The following MYO16 variants were observed in gnomAD, a reference collection of about 807,000 sequenced individuals.
MYO16 encodes myosin XVI.
In MYO16, 94 loss-of-function variants were observed where a neutral mutation model predicts 205.3. That is an observed-to-expected ratio of 0.46 (90% CI 0.39 to 0.54). The LOEUF (loss-of-function observed/expected upper bound fraction) is 0.54. Ranked by LOEUF, MYO16 falls within the 20% of genes least tolerant of loss-of-function variation. The probability of loss-of-function intolerance (pLI) is 0.00; values close to 1 mark genes in which losing one functional copy is unlikely to be tolerated. For missense variants in MYO16, 2,315 were observed against 2,387.5 expected (o/e 0.97, Z 0.63); for synonymous variants, 988 against 954.0 (o/e 1.04, Z -0.66).
In MYO16 at chr13:108,820,365, A is replaced by G; in HGVS notation, c.896A>G (p.His299Arg). 1 of 1,606,050 alleles carries G rather than the reference A, an allele frequency of 6.2e-7. No individual in the cohort carries two copies. The highest frequency in any genetic ancestry group is 8.5e-7 in the Non-Finnish European group (1 of 1,175,960). ...QTNLVKLLLMHQANPHLVNCN... is the reference protein window; with the variant it reads ...QTNLVKLLLMRQANPHLVNCN... ...AATCTGGTGAAACTTCTCCTGATGC[A>G]TCAGGCAAACCCACACCTCGTGAAC... The change falls in exon 8 of 35, where the codon CAT (histidine) becomes CGT (arginine). Residue 299 changes from histidine to arginine, a missense_variant. Around this residue, in one of 3 missense-constraint regions of MYO16, gnomAD observed 1,213 missense variants for 1,274.4 expected, o/e 0.95. Coordinates refer to ENST00000457511, the MANE Select transcript of MYO16 (RefSeq NM_001198950.3).
At chr13:108,903,465 AT>A (rs1185693036) in intron 15 of MYO16, among the ~76,000 whole-genome samples, 6 of 152,182 alleles carry the variant, frequency 3.9e-5, no homozygotes, top group African/African-American at 1.4e-4. Context: ...TATTGATGCT[AT>A]TCCCAAAGAA....
chr13:108,795,047 G>C (rs549202674), intron 6 of MYO16, among the ~76,000 whole-genome samples: 2 of 152,108 alleles, frequency 1.3e-5, no homozygotes, highest in African/African-American at 4.8e-5. Flanking sequence ...TTCTAAAAAT[G>C]TGTTGTTTTC....
At chr13:108,945,538 G>A (rs185522027) in intron 16 of MYO16, among the ~76,000 whole-genome samples, 7 of 152,164 alleles carry the variant, frequency 4.6e-5, no homozygotes, top group Admixed American at 1.3e-4. Context: ...TGTCAAAATG[G>A]AACCCACATT....
Position 108,957,704 on chromosome 13 carries a change from A to T in MYO16, c.1942A>T (p.Ile648Leu), listed in dbSNP as rs776551961. The T allele has an allele frequency of 4.3e-6, 7 of 1,612,838 alleles. No individual in the cohort carries two copies. Among genetic ancestry groups the T allele is most frequent in the Non-Finnish European group, 5.9e-6 (7 of 1,178,950 alleles). The change falls in exon 17 of 35, where the codon ATA (isoleucine) becomes TTA (leucine). Residue 648 changes from isoleucine (I) to leucine (L), a missense_variant. Transcript: ENST00000457511. ...TCCTAACAGGTATTTGAACCAGACCATACAGGATGATGCATCCACAGGGGA... is the reference window on the plus strand; with the variant it reads ...TCCTAACAGGTATTTGAACCAGACCTTACAGGATGATGCATCCACAGGGGA... ...LCAHRYLNQT[I>L]QDDASTGERS...
At chr13:108,913,742 G>A (rs1881367086) in intron 16 of MYO16, among the ~76,000 whole-genome samples, 1 of 152,140 alleles carries the variant, frequency 6.6e-6, no homozygotes, top group Admixed American at 6.5e-5. Context: ...GAGTCCTTGT[G>A]GACGAACTAT....
At chr13:109,089,425 AG>A (rs543963204) in intron 27 of MYO16, among the ~76,000 whole-genome samples, 9 of 151,860 alleles carry the variant, frequency 5.9e-5, no homozygotes, top group Non-Finnish European at 1.3e-4. Flanking sequence ...TTTTGGGCCA[AG>A]CTGGTCTCGA....
intron 8 of MYO16, among the ~76,000 whole-genome samples, chr13:108,821,269 C>T (rs141541051): frequency 2.6e-3 from 389 of 152,112 alleles, no homozygotes; most frequent in African/African-American, 8.5e-3. Flanking sequence ...CAGTTAAAGC[C>T]AGAAGAAGGG....
At chr13:108,950,741 A>G (rs1477546104) in intron 16 of MYO16, among the ~76,000 whole-genome samples, 3 of 152,142 alleles carry the variant, frequency 2.0e-5, no homozygotes, top group Non-Finnish European at 4.4e-5. Context: ...AAACACCTCT[A>G]TGTAAATGTT....
intron 4 of MYO16, among the ~76,000 whole-genome samples, chr13:108,763,810 T>C (rs1400910294): frequency 6.6e-6 from 1 of 151,574 alleles, no homozygotes; most frequent in Non-Finnish European, 1.5e-5. Flanking sequence ...TGTGTGTGTG[T>C]GTGTGTGTGT....
Position 108,898,102 on chromosome 13 carries a change from G to C in MYO16, c.1746G>C (p.Gln582His), listed in dbSNP as rs1302329932. 1 of 1,613,520 alleles carries C rather than the reference G, an allele frequency of 6.2e-7. No homozygotes were observed. The highest frequency in any genetic ancestry group is 1.7e-5 in the Admixed American group (1 of 60,004). Residue 582 changes from glutamine to histidine, a missense_variant, in exon 15 of 35, where the codon CAG becomes CAC. Gln to His is a conservative substitution (Grantham distance 24). Around this residue, in one of 3 missense-constraint regions of MYO16, gnomAD observed 1,213 missense variants for 1,274.4 expected, o/e 0.95. Coordinates refer to ENST00000457511, the MANE Select transcript of MYO16 (RefSeq NM_001198950.3). ...GCTTCATCAAGTATTTTGAACTGCA[G>C]TTCTGTGAGAGGAAACAACAGCTAA... ...SSCFIKYFEL[Q>H]FCERKQQLTG...
At chr13:108,597,159 G>A (rs924101017) in intron 1 of MYO16, among the ~76,000 whole-genome samples, 3 of 151,962 alleles carry the variant, frequency 2.0e-5, no homozygotes, top group African/African-American at 4.8e-5. Flanking sequence ...CTTCATATGC[G>A]TTATTTCACT....
intron 1 of MYO16, among the ~76,000 whole-genome samples, chr13:108,661,457 C>A (rs947977195): frequency 6.6e-6 from 1 of 151,994 alleles, no homozygotes; most frequent in African/African-American, 2.4e-5. Flanking sequence ...TCCCAGACTT[C>A]TTGGAGGCTT....
intron 14 of MYO16, among the ~76,000 whole-genome samples, chr13:108,896,834 T>C (rs1880437734): frequency 6.6e-6 from 1 of 151,994 alleles, no homozygotes; most frequent in African/African-American, 2.4e-5. Flanking sequence ...TGGCCTGGTG[T>C]AACGGCATGC....
the MYO16 span, among the ~76,000 whole-genome samples, chr13:108,577,798 G>A: frequency 6.6e-6 from 1 of 152,250 alleles, no homozygotes; most frequent in Admixed American, 6.5e-5. Context: ...TATTTTAAAT[G>A]ACTAATTAAC....
intron 31 of MYO16, among the ~76,000 whole-genome samples, chr13:109,134,412 TA>T (rs1475331253): frequency 6.6e-6 from 1 of 152,228 alleles, no homozygotes; most frequent in African/African-American, 2.4e-5. Flanking sequence ...CAGGTTTACA[TA>T]AAGTAGTGAT....
chr13:108,992,279 G>T (rs1257450748), intron 20 of MYO16, 97 bp from the exon 21 acceptor site: 3 of 762,972 alleles, frequency 3.9e-6, no homozygotes, highest in Non-Finnish European at 6.2e-6. Context: ...GCAGCAATGT[G>T]CTAAGTGGCT....
chr13:108,516,134 T>TGGGC, the MYO16 span, among the ~76,000 whole-genome samples: 1 of 151,732 alleles, frequency 6.6e-6, no homozygotes, highest in East Asian at 1.9e-4. Flanking sequence ...CGCGATTCCG[T>TGGGC]GGGCGTAGGA....
intron 23 of MYO16, among the ~76,000 whole-genome samples, chr13:109,044,183 A>C (rs1056840331): frequency 2.6e-5 from 4 of 152,336 alleles, no homozygotes; most frequent in African/African-American, 9.6e-5. Flanking sequence ...TGCTACTTAA[A>C]TGCTAAGCCC....
chr13:109,181,669 C>G (rs927670485), intron 34 of MYO16, among the ~76,000 whole-genome samples: 4 of 151,940 alleles, frequency 2.6e-5, no homozygotes, highest in Admixed American at 6.6e-5. Flanking sequence ...CAGTGATTTG[C>G]CAAAGATCAT....
Sources: allele counts gnomAD v4.1 joint callset (sites outside exome capture counted in the v4.1 genomes callset), GRCh38; gene constraint gnomAD v4.1.1; regional missense constraint gnomAD v4.1.1; transcripts MANE v1.5; gene names NCBI Gene and HGNC (gene_info 2026-07-23, HGNC 2026-07-21).